The following GSAP variants were observed in gnomAD, a reference collection of about 807,000 sequenced individuals.
The protein encoded by GSAP is gamma-secretase activating protein, also known as gamma-secretase-activating protein.
A neutral mutation model predicts 131.7 loss-of-function variants in GSAP; 118 were observed. The observed-to-expected ratio is 0.90, with a 90% confidence interval of 0.77 to 1.04. GSAP has a LOEUF of 1.04. Ranked by LOEUF, GSAP falls within the 50% of genes least tolerant of loss-of-function variation. GSAP has a pLI of 0.00. For synonymous variants in GSAP, 381 were observed against 363.4 expected (o/e 1.05, Z -0.55); for missense variants, 1,019 against 1,013.2 (o/e 1.01, Z -0.08).
intron 21 of GSAP, 32 bp from the exon 22 acceptor site, chr7:77,328,669 C>T (rs371772580): frequency 1.5e-6 from 2 of 1,347,828 alleles, no homozygotes; most frequent in Non-Finnish European, 1.1e-6. Flanking sequence ...TATTCACAGA[C>T]AGCATTGCTT....
intron 3 of GSAP, among the ~76,000 whole-genome samples, chr7:77,404,310 A>G (rs1197015450): frequency 1.3e-5 from 2 of 152,234 alleles, no homozygotes; most frequent in African/African-American, 2.4e-5. Context: ...CCTATTGCCA[A>G]TGAGTTTTCT....
chr7:77,398,063 C>T (rs1435832642), intron 3 of GSAP, among the ~76,000 whole-genome samples: 1 of 151,966 alleles, frequency 6.6e-6, no homozygotes, highest in Non-Finnish European at 1.5e-5. Context: ...AATGAAAATG[C>T]CCATGCAGGA....
At chr7:77,411,116 A>G (rs1256237226) in intron 1 of GSAP, among the ~76,000 whole-genome samples, 1 of 151,406 alleles carries the variant, frequency 6.6e-6, no homozygotes, top group Non-Finnish European at 1.5e-5. Context: ...AAAAAAAAAA[A>G]AAAGTGAAAA....
chr7:77,351,215 A>G lies in GSAP; in HGVS notation c.1491+1729T>C, dbSNP rs369671760. 1.0e-5 allele frequency: 10 copies of G among 982,386 alleles called. No individual in the cohort carries two copies. The East Asian group carries it at 4.5e-4, about 45-fold the overall frequency. 60.9% of individuals were successfully genotyped at this position (982,386 alleles called of 1,614,324 possible). A position where few individuals can be genotyped will look rare whatever the true frequency, so the allele number is the denominator to read the frequency against. ...TATTGTGTGCTTCATTTATCACTAC[A>G]GAGGATACCTCAAAAAAAATTAAAA... On this transcript the variant is annotated intron_variant, in intron 18 of 30. Coordinates refer to ENST00000257626, the MANE Select transcript of GSAP (RefSeq NM_017439.4).
chr7:77,365,177 G>A (rs918782261), intron 12 of GSAP, among the ~76,000 whole-genome samples: 22 of 152,020 alleles, frequency 1.4e-4, no homozygotes, highest in Admixed American at 7.2e-4. Flanking sequence ...TGAACTCCCT[G>A]GGCTCATGTG....
At chr7:77,355,889 A>C (rs1793647241) in intron 14 of GSAP, among the ~76,000 whole-genome samples, 1 of 147,784 alleles carries the variant, frequency 6.8e-6, no homozygotes, top group South Asian at 2.2e-4. Flanking sequence ...TCCTGGGCTC[A>C]AGTGATCCTC....
chr7:77,414,302 T>C (rs376333899), intron 1 of GSAP, among the ~76,000 whole-genome samples: 8 of 152,250 alleles, frequency 5.3e-5, no homozygotes, highest in South Asian at 4.1e-4. Flanking sequence ...AAATGTGTGT[T>C]GTAACTGCTG....
chr7:77,394,568 C>T (rs1407477709), intron 5 of GSAP, among the ~76,000 whole-genome samples: 3 of 152,186 alleles, frequency 2.0e-5, no homozygotes, highest in Non-Finnish European at 4.4e-5. Context: ...AGCAATATAA[C>T]TCTAGGATCA....
At chr7:77,409,734 AG>A (rs1193693642) in intron 1 of GSAP, among the ~76,000 whole-genome samples, 2 of 152,236 alleles carry the variant, frequency 1.3e-5, no homozygotes, top group Non-Finnish European at 2.9e-5. Flanking sequence ...TACAGTTAAA[AG>A]GTTTCGGCTA....
At chr7:77,413,897 A>G (rs1449024953) in intron 1 of GSAP, among the ~76,000 whole-genome samples, 3 of 152,134 alleles carry the variant, frequency 2.0e-5, no homozygotes, top group Non-Finnish European at 4.4e-5. Flanking sequence ...ACCTGTTAAA[A>G]TATTCTTTTA....
At chr7:77,314,329 C>G in intron 27 of GSAP, 41 bp downstream of exon 27, 1 of 1,609,542 alleles carries the variant, frequency 6.2e-7, no homozygotes, top group Non-Finnish European at 8.5e-7. Flanking sequence ...TGGTGGTGCT[C>G]AGGCTGGAAC....
intron 3 of GSAP, among the ~76,000 whole-genome samples, chr7:77,401,856 G>A (rs1281817997): frequency 1.3e-5 from 2 of 152,132 alleles, no homozygotes; most frequent in African/African-American, 2.4e-5. Flanking sequence ...CACTTCATTC[G>A]AACTGGTAAA....
At chr7:77,359,755 G>GT (rs1196338841) in intron 14 of GSAP, among the ~76,000 whole-genome samples, 2 of 152,084 alleles carry the variant, frequency 1.3e-5, no homozygotes, top group Non-Finnish European at 2.9e-5. Context: ...ATTCCCAGGG[G>GT]TAAAAAAAGG....
rs746254079 is a variant in GSAP at position 77,326,245 on chromosome 7, C to T, written c.1794G>A (p.Glu598=). The T allele has an allele frequency of 1.3e-5, 21 of 1,613,258 alleles. No individual in the cohort carries two copies. The Admixed American group carries it at 3.2e-4, about 24-fold the overall frequency. ...LGPRLTPLLQ[E]EDSHQRLLMG... The stretch of plus-strand genomic sequence containing the variant: ...TGAGCAGCCGCTGGTGGCTGTCTTC[C>T]TCCTGCAGGAGGGGTGTTAATCTTG... Residue 598 remains glutamate, a synonymous_variant, in exon 23 of 31, where the codon GAG becomes GAA. Transcript: ENST00000257626.
chr7:77,327,612 C>G (rs969313543), intron 22 of GSAP: 22 of 131,494 alleles, frequency 1.7e-4, no homozygotes, highest in African/African-American at 5.3e-4. Context: ...GCCCATAAAA[C>G]AGGAGTGGGA....
At chr7:77,328,409 T>C (rs1788617507) in intron 22 of GSAP, 197 bp downstream of exon 22, 17 of 1,291,312 alleles carry the variant, frequency 1.3e-5, no homozygotes, top group Non-Finnish European at 1.6e-5. Flanking sequence ...ATTCAGCAGC[T>C]GTCCCCGGAG....
In GSAP at chr7:77,416,208, C is replaced by G. The variant is rs1016804573; in HGVS notation, c.109+5G>C. 1.4e-6 allele frequency: 2 copies of G among 1,432,474 alleles called. No individual in the cohort carries two copies. The highest frequency in any genetic ancestry group is 1.5e-5 in the African/African-American group (1 of 67,044). The allele number at this position is 1,432,474 out of a possible 1,614,324, so 88.7% of individuals were successfully genotyped here. A position where few individuals can be genotyped will look rare whatever the true frequency, so the allele number is the denominator to read the frequency against. On this transcript the variant is annotated splice_donor_5th_base_variant and intron_variant, in intron 1 of 30. Transcript: ENST00000257626. ...CCACCCCTCTCCGCAGCGCGCCTCC[C>G]GCACCTGCGCCGCCGCTTCCGGCCC...
In GSAP at chr7:77,330,264, T is replaced by C; in HGVS notation, c.1649A>G (p.Glu550Gly). The stretch of plus-strand genomic sequence containing the variant: ...CTCTTCAGAGATCAGGTTGTGCCAC[T>C]CTCTCCTGACCACACTGTTGTTATA... ...FHYNNSVVRREWHNLISEEKT... is the reference protein window; with the variant it reads ...FHYNNSVVRRGWHNLISEEKT... The change falls in exon 20 of 31, where the codon GAG (glutamate) becomes GGG (glycine). Residue 550 changes from glutamate to glycine, a missense_variant. Transcript: ENST00000257626. 1 of 1,612,688 alleles carries C rather than the reference T, an allele frequency of 6.2e-7. No homozygotes were observed. Among genetic ancestry groups the C allele is most frequent in the Non-Finnish European group, 8.5e-7 (1 of 1,179,246 alleles).
At chr7:77,401,209 C>A (rs1011850108) in intron 3 of GSAP, among the ~76,000 whole-genome samples, 1 of 151,768 alleles carries the variant, frequency 6.6e-6, no homozygotes, top group Non-Finnish European at 1.5e-5. Flanking sequence ...CTAAAAATGT[C>A]CCAAATTTGG....
Sources: allele counts gnomAD v4.1 joint callset (sites outside exome capture counted in the v4.1 genomes callset), GRCh38; gene constraint gnomAD v4.1.1; transcripts MANE v1.5; gene names NCBI Gene and HGNC (gene_info 2026-07-23, HGNC 2026-07-21).